The following PDGFC variants were observed in gnomAD, a reference collection of about 807,000 sequenced individuals.
PDGFC encodes platelet-derived growth factor C.
PDGFC carries 12 observed loss-of-function variants against 35.5 expected under a neutral mutation model. That is an observed-to-expected ratio of 0.34 (90% confidence interval 0.22 to 0.55). PDGFC has a LOEUF of 0.55. Among genes scored for constraint, PDGFC ranks in the 20% least tolerant of loss-of-function variants. The probability of loss-of-function intolerance (pLI) is 0.91; values close to 1 mark genes in which losing one functional copy is unlikely to be tolerated. For synonymous variants in PDGFC, 159 were observed against 148.8 expected, an observed-to-expected ratio of 1.07 and a Z score of -0.50; for missense variants, 322 against 412.4, an observed-to-expected ratio of 0.78 and a Z score of 1.90.
chr4:156,861,853 T>C (rs955083947), intron 1 of PDGFC, among the ~76,000 whole-genome samples: 2 of 152,170 alleles, frequency 1.3e-5, no homozygotes, highest in African/African-American at 2.4e-5. Context: ...ACTAGCCAGA[T>C]ACTTTCATAT....
At chr4:156,926,605 A>C (rs1292500635) in intron 1 of PDGFC, among the ~76,000 whole-genome samples, 1 of 152,198 alleles carries the variant, frequency 6.6e-6, no homozygotes, top group Non-Finnish European at 1.5e-5. Context: ...GGGCAGTCAA[A>C]TTTTAAAGCT....
chr4:156,838,312 C>T (rs1448220950), intron 2 of PDGFC, among the ~76,000 whole-genome samples: 1 of 152,190 alleles, frequency 6.6e-6, no homozygotes, highest in Non-Finnish European at 1.5e-5. Flanking sequence ...AGTTGGCTCT[C>T]AGGGTGGGCA....
At chr4:156,892,611 A>G (rs958578685) in intron 1 of PDGFC, among the ~76,000 whole-genome samples, 6 of 152,218 alleles carry the variant, frequency 3.9e-5, no homozygotes, top group Non-Finnish European at 7.3e-5. Context: ...TTATGGTGGG[A>G]AAAGTTAGAG....
intron 1 of PDGFC, among the ~76,000 whole-genome samples, chr4:156,916,423 C>T (rs1015145468): frequency 6.6e-6 from 1 of 152,178 alleles, no homozygotes; most frequent in Non-Finnish European, 1.5e-5. Flanking sequence ...CTAACAAGAC[C>T]TTCTAAGGTA....
intron 2 of PDGFC, among the ~76,000 whole-genome samples, chr4:156,840,955 A>G (rs1053683727): frequency 1.2e-4 from 19 of 152,148 alleles, no homozygotes; most frequent in Non-Finnish European, 8.8e-5. Flanking sequence ...CAATGCCTGT[A>G]CCCCCATTGT....
At chr4:156,947,220 T>C (rs1016666276) in intron 1 of PDGFC, among the ~76,000 whole-genome samples, 2 of 151,968 alleles carry the variant, frequency 1.3e-5, no homozygotes, top group Non-Finnish European at 2.9e-5. Flanking sequence ...TTATTCAGGA[T>C]CTGTGTGTAT....
chr4:156,963,619 A>G (rs1216544710), intron 1 of PDGFC, among the ~76,000 whole-genome samples: 1 of 152,216 alleles, frequency 6.6e-6, no homozygotes, highest in Non-Finnish European at 1.5e-5. Flanking sequence ...GTGTGGAAAC[A>G]GGGCAAATAA....
intron 1 of PDGFC, among the ~76,000 whole-genome samples, chr4:156,897,259 A>T (rs1335496615): frequency 6.6e-6 from 1 of 152,056 alleles, no homozygotes; most frequent in East Asian, 1.9e-4. Context: ...ATTCAACAAA[A>T]GAATTTGCTT....
At chr4:156,798,992 C>T (rs1731524359) in intron 3 of PDGFC, among the ~76,000 whole-genome samples, 1 of 152,200 alleles carries the variant, frequency 6.6e-6, no homozygotes, top group African/African-American at 2.4e-5. Flanking sequence ...TGTCCAATGC[C>T]TACCTCAGAT....
At chr4:156,844,609 A>G (rs191631820) in intron 2 of PDGFC, among the ~76,000 whole-genome samples, 2 of 152,202 alleles carry the variant, frequency 1.3e-5, no homozygotes, top group Admixed American at 6.5e-5. Flanking sequence ...AAACAAGGAC[A>G]TAAGAAAGTT....
intron 1 of PDGFC, among the ~76,000 whole-genome samples, chr4:156,891,372 A>G (rs1253498695): frequency 6.9e-6 from 1 of 144,960 alleles, no homozygotes; most frequent in Non-Finnish European, 1.5e-5. Flanking sequence ...TCATATGTAT[A>G]TGCAGTTTGT....
intron 2 of PDGFC, among the ~76,000 whole-genome samples, chr4:156,822,103 T>C (rs978073008): frequency 6.6e-6 from 1 of 152,142 alleles, no homozygotes; most frequent in Non-Finnish European, 1.5e-5. Flanking sequence ...AAGTGGCCTG[T>C]AATCCCAGCA....
Position 156,971,186 on chromosome 4 carries a change from G to A in PDGFC, c.-283C>T, listed in dbSNP as rs1300941807. 4.5e-6 allele frequency: 2 copies of A among 442,740 alleles called. No individual in the cohort carries two copies. Among genetic ancestry groups the A allele is most frequent in the Non-Finnish European group, 4.0e-6 (1 of 250,660 alleles). 27.4% of individuals were successfully genotyped at this position (442,740 alleles called of 1,614,324 possible). The stretch of plus-strand genomic sequence containing the variant: ...CCTGAGCTGTGGCGAAGTGGTGGGG[G>A]TGGGGGTGAAGGCGAGGGAGGAATG... On this transcript the variant is annotated 5_prime_UTR_variant, in exon 1 of 6. Coordinates refer to ENST00000502773, the MANE Select transcript of PDGFC (RefSeq NM_016205.3).
rs371638899 is a variant in PDGFC at position 156,970,899 on chromosome 4, C to T, written c.5G>A (p.Ser2Asn). The T allele has an allele frequency of 1.2e-6, 2 of 1,610,178 alleles. No homozygotes were observed. Among genetic ancestry groups the T allele is most frequent in the Admixed American group, 1.7e-5 (1 of 59,988 alleles). Reference protein sequence around the residue: MSLFGLLLLTSA... With the variant: MNLFGLLLLTSA... ...TGTCAGCAGGAGAAGCCCGAAGAGG[C>T]TCATTTGGCTGACTGGGGTGAGAGC... Residue 2 changes from serine to asparagine, a missense_variant, in exon 1 of 6, where the codon AGC becomes AAC. By Grantham distance (46) the Ser-to-Asn change is conservative (BLOSUM62 1). Around this residue, in one of 2 missense-constraint regions of PDGFC, gnomAD observed 120 missense variants for 116.6 expected, o/e 1.03. Transcript: ENST00000502773.
At chr4:156,813,001 A>G (rs1432883179) in intron 2 of PDGFC, among the ~76,000 whole-genome samples, 1 of 152,128 alleles carries the variant, frequency 6.6e-6, no homozygotes, top group African/African-American at 2.4e-5. Flanking sequence ...TTACATATAC[A>G]TAAGCCAGCC....
chr4:156,784,181 T>A (rs1257736240), intron 3 of PDGFC, among the ~76,000 whole-genome samples: 2 of 152,166 alleles, frequency 1.3e-5, no homozygotes, highest in African/African-American at 4.8e-5. Flanking sequence ...GTTAAAGCCA[T>A]GAGCTAAGAG....
intron 4 of PDGFC, chr4:156,770,782 C>A (rs1052664344): frequency 6.6e-6 from 1 of 152,022 alleles, no homozygotes. Flanking sequence ...TAATATTTTT[C>A]TTTGTTAGTT....
At chr4:156,841,316 A>G (rs1001466364) in intron 2 of PDGFC, 4 of 153,768 alleles carry the variant, frequency 2.6e-5, no homozygotes, top group African/African-American at 9.7e-5. Flanking sequence ...GGTTATCACA[A>G]GATCTGATGG....
At position 156,873,557 on chromosome 4, in the gene PDGFC, T is replaced by G. The variant is rs144568901; in HGVS notation, c.119-23141A>C. Among the ~76,000 whole-genome samples, 354 of 152,344 alleles carry G rather than the reference T, an allele frequency of 2.3e-3. 4 individuals are homozygous for G. Among genetic ancestry groups the G allele is most frequent in the Admixed American group, 7.1e-3 (108 of 15,300 alleles). On this transcript the variant is annotated intron_variant, in intron 1 of 5. Transcript: ENST00000502773. ...TTCCACAGACATTTCCTATAACTTC[T>G]TTTTGAAATCTATTCATTTAAGAAA...
Sources: gnomAD v4.1 joint callset for allele counts (sites outside exome capture counted in the v4.1 genomes callset) on GRCh38, gnomAD v4.1.1 for gene constraint, gnomAD v4.1.1 regional missense constraint, MANE v1.5 for transcripts, NCBI Gene and HGNC (gene_info 2026-07-23, HGNC 2026-07-21) for gene names.